The following CSGALNACT1 variants were observed in gnomAD, a reference collection of about 807,000 sequenced individuals.
CSGALNACT1 encodes beta4GalNAcT-1.
Under a neutral mutation model 51.0 loss-of-function variants are expected in CSGALNACT1, and 52 were observed. That is an observed-to-expected ratio of 1.02 (90% CI 0.82 to 1.29). CSGALNACT1 has a LOEUF of 1.29. Among genes scored for constraint, CSGALNACT1 ranks in the 50% most tolerant of loss-of-function variants. The pLI is 0.00. For missense variants in CSGALNACT1, 935 were observed against 679.2 expected (o/e 1.38, Z -4.19); for synonymous variants, 341 against 254.4 (o/e 1.34, Z -3.24).
chr8:19,416,805 C>T (rs979788893), intron 8 of CSGALNACT1, among the ~76,000 whole-genome samples: 1 of 152,078 alleles, frequency 6.6e-6, no homozygotes, highest in Admixed American at 6.5e-5. Context: ...GATGAAATTG[C>T]CTGACGATAC....
intron 4 of CSGALNACT1, among the ~76,000 whole-genome samples, chr8:19,501,121 G>A (rs759104267): frequency 1.4e-4 from 21 of 151,670 alleles, no homozygotes; most frequent in Admixed American, 3.3e-4. Context: ...ATAGTGGCAC[G>A]TGCCTGTAGT....
upstream of CSGALNACT1, among the ~76,000 whole-genome samples, chr8:19,605,313 G>A (rs1378178308): frequency 6.6e-6 from 1 of 152,144 alleles, no homozygotes; most frequent in African/African-American, 2.4e-5. Context: ...GCAGGCACCT[G>A]TAATCCCAGC....
intron 4 of CSGALNACT1, among the ~76,000 whole-genome samples, chr8:19,480,389 T>C (rs1163959471): frequency 2.0e-5 from 3 of 152,218 alleles, no homozygotes; most frequent in African/African-American, 7.2e-5. Flanking sequence ...TTTGCATTAG[T>C]TTGCTTAGAG....
At chr8:19,647,772 G>A (rs529511551) in intron 1 of CSGALNACT1, among the ~76,000 whole-genome samples, 1 of 152,308 alleles carries the variant, frequency 6.6e-6, no homozygotes, top group Admixed American at 6.5e-5. Flanking sequence ...CAAGCTTTGG[G>A]ACTGGTTTAC....
chr8:19,419,754 G>A (rs2057592226), intron 7 of CSGALNACT1, among the ~76,000 whole-genome samples: 1 of 152,166 alleles, frequency 6.6e-6, no homozygotes, highest in South Asian at 2.1e-4. Flanking sequence ...TTATGGACAT[G>A]AACTTGGGAA....
intron 5 of CSGALNACT1, among the ~76,000 whole-genome samples, chr8:19,443,675 G>A (rs1463809285): frequency 3.3e-5 from 5 of 152,172 alleles, no homozygotes; most frequent in African/African-American, 1.2e-4. Flanking sequence ...ATCTCCACCT[G>A]GCCCTGCCCT....
intron 6 of CSGALNACT1, among the ~76,000 whole-genome samples, chr8:19,436,741 T>C (rs1031395375): frequency 6.6e-6 from 1 of 152,136 alleles, no homozygotes; most frequent in South Asian, 2.1e-4. Flanking sequence ...ACACTGGCTC[T>C]ACAAAAACTA....
intron 1 of CSGALNACT1, among the ~76,000 whole-genome samples, chr8:19,608,828 T>C (rs191399284): frequency 6.6e-6 from 1 of 152,318 alleles, no homozygotes; most frequent in Admixed American, 6.5e-5. Context: ...TTCACCAAAC[T>C]AGAACAGGCA....
intron 1 of CSGALNACT1, among the ~76,000 whole-genome samples, chr8:19,714,886 T>C (rs1046742603): frequency 3.3e-5 from 5 of 152,196 alleles, no homozygotes; most frequent in Non-Finnish European, 7.3e-5. Flanking sequence ...GCGTAATACC[T>C]GATAAGTAGG....
intron 4 of CSGALNACT1, among the ~76,000 whole-genome samples, chr8:19,498,267 C>T (rs1025383103): frequency 1.3e-5 from 2 of 152,198 alleles, no homozygotes; most frequent in African/African-American, 4.8e-5. Context: ...TGGGGACATT[C>T]TGCACACATG....
chr8:19,507,293 G>C (rs184586405), intron 3 of CSGALNACT1, among the ~76,000 whole-genome samples: 2 of 152,170 alleles, frequency 1.3e-5, no homozygotes, highest in African/African-American at 2.4e-5. Context: ...GAGGAATTCT[G>C]TGTCCTGATA....
intron 1 of CSGALNACT1, among the ~76,000 whole-genome samples, chr8:19,737,842 T>A (rs1378598308): frequency 6.6e-6 from 1 of 151,952 alleles, no homozygotes; most frequent in Admixed American, 6.6e-5. Flanking sequence ...GTACTTAGAG[T>A]GGTCAAAATC....
intron 3 of CSGALNACT1, among the ~76,000 whole-genome samples, chr8:19,535,735 G>C (rs771763914): frequency 6.6e-6 from 1 of 152,076 alleles, no homozygotes; most frequent in Non-Finnish European, 1.5e-5. Context: ...AAAATCACAT[G>C]ATCTTATCAA....
intron 8 of CSGALNACT1, among the ~76,000 whole-genome samples, chr8:19,416,759 G>C (rs1025866025): frequency 3.3e-5 from 5 of 152,170 alleles, no homozygotes; most frequent in African/African-American, 1.2e-4. Flanking sequence ...ATGTTATGTA[G>C]GATTGCATAA....
At chr8:19,678,465 G>A (rs1438882335) in intron 1 of CSGALNACT1, 1 of 152,174 alleles carries the variant, frequency 6.6e-6, no homozygotes, top group East Asian at 1.9e-4. Flanking sequence ...TCATAGCTAA[G>A]CAGTTACTGA....
intron 9 of CSGALNACT1, among the ~76,000 whole-genome samples, chr8:19,407,582 C>T (rs1039329605): frequency 3.9e-5 from 6 of 152,160 alleles, no homozygotes; most frequent in African/African-American, 1.2e-4. Flanking sequence ...GACAGGAGGC[C>T]TCTATTCTCA....
upstream of CSGALNACT1, among the ~76,000 whole-genome samples, chr8:19,607,079 C>A (rs2154149691): frequency 6.6e-6 from 1 of 151,650 alleles, no homozygotes; most frequent in East Asian, 1.9e-4. Flanking sequence ...GGCATGAAAT[C>A]AGGAGGCAGA....
rs754074820 is a variant in CSGALNACT1 at position 19,458,478 on chromosome 8, C to A, written c.799G>T (p.Val267Leu). 14 of 1,614,038 alleles carry A rather than the reference C, an allele frequency of 8.7e-6. No homozygotes were observed. The African/African-American group carries it at 1.7e-4, about 20-fold the overall frequency. Residue 267 changes from valine (V) to leucine (L), a missense_variant, in exon 5 of 10, where the codon GTG becomes TTG. Physicochemically the swap from Val to Leu is conservative, Grantham distance 32 (BLOSUM62 1). Coordinates refer to ENST00000454498, the Ensembl canonical transcript of CSGALNACT1. ...TTGTCCACCCTTTTTGCTAGAGGCA[C>A]GATAACATTGATAAGCGTGTTGGCC...
At chr8:19,625,456 A>G (rs1392644103) in intron 1 of CSGALNACT1, among the ~76,000 whole-genome samples, 2 of 152,218 alleles carry the variant, frequency 1.3e-5, no homozygotes, top group Non-Finnish European at 2.9e-5. Flanking sequence ...CTCCAGGTCT[A>G]TCTGACTCCA....
Sources: allele counts gnomAD v4.1 joint callset (sites outside exome capture counted in the v4.1 genomes callset), GRCh38; gene constraint gnomAD v4.1.1; transcripts MANE v1.5; gene names NCBI Gene and HGNC (gene_info 2026-07-23, HGNC 2026-07-21).